Variants in PGM3 observed in about 807,000 individuals in gnomAD.
PGM3 encodes the protein phosphoacetylglucosamine mutase.
In PGM3, 40 loss-of-function variants were observed where a neutral mutation model predicts 66.2. The ratio of observed to expected loss-of-function variants is 0.60; its 90% CI spans 0.47 to 0.79. The LOEUF (loss-of-function observed/expected upper bound fraction) is 0.79. PGM3 is among the 30% of genes least tolerant of loss of function. The pLI is 0.00. For missense variants in PGM3, 537 were observed against 643.4 expected (o/e 0.83, Z 1.79); for synonymous variants, 191 against 224.2 (o/e 0.85, Z 1.32).
At chr6:83,173,341 C>T (rs1012873652) in intron 10 of PGM3, among the ~76,000 whole-genome samples, 1 of 152,102 alleles carries the variant, frequency 6.6e-6, no homozygotes, top group Non-Finnish European at 1.5e-5. Flanking sequence ...CTTTAGTACT[C>T]CTTATTTATA....
the PGM3 span, among the ~76,000 whole-genome samples, chr6:83,155,538 C>G: frequency 1.3e-5 from 2 of 152,036 alleles, no homozygotes; most frequent in South Asian, 4.1e-4. Context: ...ACAAGCAAGA[C>G]AGTGTGGCTA....
rs777118863 is a variant in PGM3 at position 83,171,968 on chromosome 6, GTA to G, written c.1332_1333del (p.Thr445ArgfsTer8). The G allele has an allele frequency of 6.2e-7, 1 of 1,613,090 alleles. No individual in the cohort carries two copies. The highest frequency in any genetic ancestry group is 1.1e-5 in the South Asian group (1 of 91,074). ...TTTAAGTTGTCTGTTTGGAAGATCTGTATAGAGAGCATCCCACTGTTGTACAG... is the reference window on the plus strand; with the variant it reads ...TTTAAGTTGTCTGTTTGGAAGATCTGTAGAGAGCATCCCACTGTTGTACAG... On this transcript the variant is annotated frameshift_variant, in exon 11 of 13. Coordinates refer to ENST00000513973, the MANE Select transcript of PGM3 (RefSeq NM_015599.3). LOFTEE classifies it high-confidence loss of function.
chr6:83,160,019 T>A, downstream of PGM3: 3 of 1,497,546 alleles, frequency 2.0e-6, no homozygotes, highest in Non-Finnish European at 1.8e-6. Flanking sequence ...CTTTGGTCAC[T>A]GACATCTATG....
chr6:83,184,813 A>C (rs1169671217), intron 4 of PGM3, among the ~76,000 whole-genome samples: 1 of 152,202 alleles, frequency 6.6e-6, no homozygotes, highest in African/African-American at 2.4e-5. Context: ...ACTCTCTTGC[A>C]TAAAATCCTT....
At position 83,190,949 on chromosome 6, in the gene PGM3, G is replaced by A; in HGVS notation, c.64C>T (p.Gln22Ter). The A allele has an allele frequency of 6.2e-7, 1 of 1,614,070 alleles. No homozygotes were observed. Among genetic ancestry groups the A allele is most frequent in the Non-Finnish European group, 8.5e-7 (1 of 1,179,940 alleles). ...GTTCGAAATCCAGCAGTCCCGTATT[G>A]AAGGATCAGTCCATTGGGCTTGGCG... is the stretch of plus-strand genomic sequence containing the variant. ...LHAKPNGLILQYGTAGFRTKA... is the reference protein window; with the variant it reads ...LHAKPNGLIL The change falls in exon 2 of 13, where the codon CAA becomes TAA. Residue 22 changes from glutamine (Q) to a stop codon, truncating the protein, a stop_gained. Coordinates refer to ENST00000513973, the MANE Select transcript of PGM3 (RefSeq NM_015599.3). LOFTEE classifies it high-confidence loss of function.
At chr6:83,188,245 G>C (rs1788740922) in intron 3 of PGM3, among the ~76,000 whole-genome samples, 1 of 152,028 alleles carries the variant, frequency 6.6e-6, no homozygotes, top group Non-Finnish European at 1.5e-5. Context: ...TAATAACACA[G>C]ATTACAAAGT....
At chr6:83,148,756 C>T in the PGM3 span, 1 of 1,538,678 alleles carries the variant, frequency 6.5e-7, no homozygotes, top group Non-Finnish European at 8.7e-7. Context: ...TATTATCTTG[C>T]AGAATTCCAG....
rs1785807441 is a variant in PGM3 at position 83,166,821 on chromosome 6, G to T, written c.*2413C>A. On this transcript the variant is annotated 3_prime_UTR_variant, in exon 13 of 13. Coordinates refer to ENST00000513973, the MANE Select transcript of PGM3 (RefSeq NM_015599.3). ...TTAAATTATTAGGTAAACAATGAAA[G>T]TTTCTGAGCAACATCTGATCTTAGA... The T allele has an allele frequency of 2.0e-6, 2 of 1,012,596 alleles. No homozygotes were observed. Among genetic ancestry groups the T allele is most frequent in the Admixed American group, 5.9e-5 (1 of 17,090 alleles). 62.7% of individuals were successfully genotyped at this position (1,012,596 alleles called of 1,614,324 possible). A position where few individuals can be genotyped will look rare whatever the true frequency, so the allele number is the denominator to read the frequency against.
rs1481942830 is a variant in PGM3 at position 83,188,816 on chromosome 6, C to CGTTT, written c.205-19_205-18insAAAC. The CGTTT allele has an allele frequency of 6.2e-7, 1 of 1,609,270 alleles. No homozygotes were observed. Among genetic ancestry groups the CGTTT allele is most frequent in the Non-Finnish European group, 8.5e-7 (1 of 1,176,200 alleles). ...TTGTCTTCCTTAAAAGAAAAACAAACAATAAGCAATCTGTGCATACTCATG... is the reference window on the plus strand; with the variant it reads ...TTGTCTTCCTTAAAAGAAAAACAAACGTTTAATAAGCAATCTGTGCATACTCATG... On this transcript the variant is annotated intron_variant, in intron 2 of 12. Transcript: ENST00000513973.
chr6:83,162,151 G>A (rs181508944), downstream of PGM3, among the ~76,000 whole-genome samples: 246 of 152,200 alleles, frequency 1.6e-3, 1 homozygote, highest in African/African-American at 5.6e-3. Context: ...ACGGACTTAC[G>A]AAGCTGACAA....
In PGM3 at chr6:83,191,067, C is replaced by G. The variant is rs1395348601; in HGVS notation, c.-2-53G>C. 11 of 1,557,996 alleles carry G rather than the reference C, an allele frequency of 7.1e-6. No individual in the cohort carries two copies. In the East Asian group the frequency reaches 1.4e-4, roughly 19 times the overall value. ...GCATAACAAGTAATTTCTTAAGAAC[C>G]ATTTGCTTCAAAAACTGCCACCCCA... On this transcript the variant is annotated intron_variant, in intron 1 of 12. Coordinates refer to ENST00000513973, the MANE Select transcript of PGM3 (RefSeq NM_015599.3).
Position 83,170,498 on chromosome 6 carries a change from A to G in PGM3, c.1366-20T>C. Reference sequence around the variant, plus strand: ...TGCAACCTAAGTGCAAGCATTTCATATTTGTTACTCTATTACACTTCCTTT... The same window carrying G: ...TGCAACCTAAGTGCAAGCATTTCATGTTTGTTACTCTATTACACTTCCTTT... On this transcript the variant is annotated intron_variant, in intron 11 of 12. Coordinates refer to ENST00000513973, the MANE Select transcript of PGM3 (RefSeq NM_015599.3). 6.2e-7 allele frequency: 1 copy of G among 1,603,812 alleles called. No individual in the cohort carries two copies. The highest frequency in any genetic ancestry group is 8.5e-7 in the Non-Finnish European group (1 of 1,170,944).
chr6:83,158,438 T>G, downstream of PGM3: 1 of 751,120 alleles, frequency 1.3e-6, no homozygotes. Flanking sequence ...AGAAACTAAG[T>G]ATAATTTAAA....
At chr6:83,157,607 C>A (rs1316457922), downstream of PGM3, among the ~76,000 whole-genome samples, 1 of 152,208 alleles carries the variant, frequency 6.6e-6, no homozygotes, top group Non-Finnish European at 1.5e-5. Context: ...TTAACTCTGT[C>A]ATGGCCTACA....
the PGM3 span, among the ~76,000 whole-genome samples, chr6:83,150,316 T>C: frequency 6.6e-6 from 1 of 152,180 alleles, no homozygotes; most frequent in Non-Finnish European, 1.5e-5. Flanking sequence ...GGTGTTGGAA[T>C]CATCACCAAA....
At chr6:83,183,309 T>TC (rs1788333148) in intron 4 of PGM3, among the ~76,000 whole-genome samples, 1 of 152,096 alleles carries the variant, frequency 6.6e-6, no homozygotes, top group Non-Finnish European at 1.5e-5. Context: ...GACAAAAACC[T>TC]CCTTTTAAAA....
At chr6:83,178,596 T>G in intron 8 of PGM3, 77 bp downstream of exon 8, 1 of 828,154 alleles carries the variant, frequency 1.2e-6, no homozygotes, top group Non-Finnish European at 2.1e-6. Context: ...CATAATCACT[T>G]TTATGAGGGC....
Position 83,164,882 on chromosome 6 carries a change from A to G in PGM3, c.*4352T>C, listed in dbSNP as rs1212976110. On this transcript the variant is annotated 3_prime_UTR_variant, in exon 13 of 13. Coordinates refer to ENST00000513973, the MANE Select transcript of PGM3 (RefSeq NM_015599.3). ...GTCAAAGGAGAAATCATTTGTATGG[A>G]AACATTTGACTTTATTTAATATTGA... is the stretch of plus-strand genomic sequence containing the variant. 12 of 596,938 alleles carry G rather than the reference A, an allele frequency of 2.0e-5. No homozygotes were observed. In the East Asian group the frequency reaches 3.2e-4, roughly 16 times the overall value. 37.0% of individuals were successfully genotyped at this position (596,938 alleles called of 1,614,324 possible).
intron 6 of PGM3, among the ~76,000 whole-genome samples, chr6:83,180,860 G>C (rs948703101): frequency 6.6e-6 from 1 of 152,226 alleles, no homozygotes; most frequent in African/African-American, 2.4e-5. Flanking sequence ...GAGGCAACTG[G>C]ATGAAGTCTG....
Sources: allele counts gnomAD v4.1 joint callset (sites outside exome capture counted in the v4.1 genomes callset), GRCh38; gene constraint gnomAD v4.1.1; transcripts MANE v1.5; gene names NCBI Gene and HGNC (gene_info 2026-07-23, HGNC 2026-07-21).